EHMT1: variants seen among roughly 807,000 people sequenced by gnomAD.
EHMT1 encodes the protein histone-lysine N-methyltransferase EHMT1.
EHMT1 carries 15 observed loss-of-function variants against 147.2 expected under a neutral mutation model. The observed-to-expected ratio is 0.10, with a 90% CI of 0.07 to 0.16. The LOEUF (loss-of-function observed/expected upper bound fraction) is 0.16. EHMT1 is among the 10% of genes least tolerant of loss of function. EHMT1 has a pLI of 1.00. For synonymous variants in EHMT1, 795 were observed against 709.6 expected (o/e 1.12, Z -1.91); for missense variants, 1,587 against 1,772.4 (o/e 0.90, Z 1.88).
intron 1 of EHMT1, among the ~76,000 whole-genome samples, chr9:137,635,678 G>A (rs180959303): frequency 0.011 from 1,724 of 151,108 alleles, 15 homozygotes; most frequent in Non-Finnish European, 0.017. Context: ...AAATTAGTGG[G>A]ACGTGGTGGC....
rs1306584891 is a variant in EHMT1, at chr9:137,787,969, G to GC, written c.2383-2873dup. On this transcript the variant is annotated intron_variant, in intron 15 of 26. Coordinates refer to ENST00000460843, the MANE Select transcript of EHMT1 (RefSeq NM_024757.5). This position sits in a 1 kb window ranked among gnomAD's most constrained non-coding sequence, Gnocchi z 4.2. ...GAGGCCCTGTGTCCCCCACTGGACA[G>GC]CCCCCCAGGAACTGAGGTGCCCTGC... 6 of 1,489,038 alleles carry GC rather than the reference G, an allele frequency of 4.0e-6. No individual in the cohort carries two copies. The highest frequency in any genetic ancestry group is 1.1e-5 in the South Asian group (1 of 87,654). 92.2% of individuals were successfully genotyped at this position (1,489,038 alleles called of 1,614,324 possible).
rs758886528 is a variant in EHMT1 at position 137,770,195 on chromosome 9, G to A, written c.1648-4914G>A. ...TCTTTCTGGGATTCCTTGTACACAC[G>A]TTAGATTGTTTGACATTGTCCCACA... On this transcript the variant is annotated intron_variant, in intron 10 of 26. Coordinates refer to ENST00000460843, the MANE Select transcript of EHMT1 (RefSeq NM_024757.5). Among the ~76,000 whole-genome samples, 11 of 152,060 alleles carry A rather than the reference G, an allele frequency of 7.2e-5. No individual in the cohort carries two copies. The South Asian group carries it at 1.9e-3, about 26-fold the overall frequency.
chr9:137,742,705 A>G (rs1016261451), intron 4 of EHMT1, among the ~76,000 whole-genome samples: 1 of 152,136 alleles, frequency 6.6e-6, no homozygotes, highest in African/African-American at 2.4e-5. Context: ...TCTCCCTCTC[A>G]GCCTCTTATC....
At chr9:137,715,786 T>C in intron 2 of EHMT1, 1 of 985,370 alleles carries the variant, frequency 1.0e-6, no homozygotes, top group Non-Finnish European at 1.2e-6. Context: ...TCTGACCCAT[T>C]TTCTCTGTTA....
chr9:137,769,751 G>A (rs952499988), intron 10 of EHMT1, among the ~76,000 whole-genome samples: 18 of 152,222 alleles, frequency 1.2e-4, no homozygotes, highest in South Asian at 8.3e-4. Context: ...TTTAGGTTTC[G>A]CTGAGCTTCT....
intron 4 of EHMT1, among the ~76,000 whole-genome samples, chr9:137,741,735 C>A (rs1430152509): frequency 6.6e-6 from 1 of 152,074 alleles, no homozygotes. Context: ...AAAAGTTGGC[C>A]CTCTGTGTTC....
chr9:137,795,963 C>T (rs1400399677), intron 16 of EHMT1, among the ~76,000 whole-genome samples: 1 of 152,140 alleles, frequency 6.6e-6, no homozygotes, highest in Non-Finnish European at 1.5e-5. Context: ...GCAGATGGGA[C>T]AAATAGAAAA....
intron 1 of EHMT1, among the ~76,000 whole-genome samples, chr9:137,688,771 C>A (rs1564590350): frequency 6.6e-6 from 1 of 152,166 alleles, no homozygotes; most frequent in African/African-American, 2.4e-5. Context: ...GATGAGTTTG[C>A]TTCTGCGTTC....
Position 137,728,294 on chromosome 9 carries a change from T to C in EHMT1, c.643-55T>C. ...GAACTGTGATTTTGGTTGCATGTTATTTCAGTGACCACCTGCTTATGCAGT... is the reference window on the plus strand; with the variant it reads ...GAACTGTGATTTTGGTTGCATGTTACTTCAGTGACCACCTGCTTATGCAGT... On this transcript the variant is annotated intron_variant, in intron 3 of 26. Transcript: ENST00000460843. 1.9e-6 allele frequency: 3 copies of C among 1,611,760 alleles called. No homozygotes were observed. In the South Asian group the frequency reaches 3.3e-5, roughly 18 times the overall value.
intron 25 of EHMT1, among the ~76,000 whole-genome samples, chr9:137,832,003 G>A (rs1476034483): frequency 6.8e-6 from 1 of 146,050 alleles, no homozygotes; most frequent in East Asian, 2.0e-4. Context: ...CACAGGCTCC[G>A]CCTCCTACGT....
chr9:137,822,235 G>A (rs923214703), intron 25 of EHMT1, among the ~76,000 whole-genome samples: 1 of 152,136 alleles, frequency 6.6e-6, no homozygotes, highest in Non-Finnish European at 1.5e-5. Flanking sequence ...TTCTGTTGTT[G>A]GACGGTGACC....
intron 1 of EHMT1, among the ~76,000 whole-genome samples, chr9:137,692,585 C>A (rs1943035773): frequency 6.6e-6 from 1 of 152,100 alleles, no homozygotes; most frequent in East Asian, 1.9e-4. Context: ...GTTTTTCCAT[C>A]AACTTTTTCT....
chr9:137,743,754 C>T, intron 5 of EHMT1, 148 bp from the exon 6 acceptor site: 2 of 1,155,038 alleles, frequency 1.7e-6, no homozygotes, highest in Non-Finnish European at 2.4e-6. Flanking sequence ...CCGGGCTCTT[C>T]TCCAGGTGGC....
intron 16 of EHMT1, chr9:137,792,296 A>G (rs1463740469): frequency 1.2e-5 from 4 of 328,186 alleles, no homozygotes; most frequent in African/African-American, 8.6e-5. Context: ...CAAAGGTTAC[A>G]AAGACCATTC....
rs888653382 is a variant in EHMT1, at chr9:137,776,536, G to A, written c.1792-82G>A. 16 of 1,405,032 alleles carry A rather than the reference G, an allele frequency of 1.1e-5. No homozygotes were observed. Among genetic ancestry groups the A allele is most frequent in the African/African-American group, 8.6e-5 (6 of 69,728 alleles). 87.0% of individuals were successfully genotyped at this position (1,405,032 alleles called of 1,614,324 possible). ...CTGCAGACCGCCCGATGTGGGATGC[G>A]GTGCCAGTTTAGTAGTACTTTATTT... On this transcript the variant is annotated intron_variant, in intron 11 of 26. Transcript: ENST00000460843. The surrounding 1 kb of genome is among the most constrained non-coding windows in gnomAD (Gnocchi z 4.4).
intron 1 of EHMT1, among the ~76,000 whole-genome samples, chr9:137,703,390 C>T (rs1316170380): frequency 6.6e-6 from 1 of 152,196 alleles, no homozygotes; most frequent in Non-Finnish European, 1.5e-5. Flanking sequence ...TTATGCTCTG[C>T]TTCCCTTTTA....
chr9:137,646,436 AAAGT>A (rs1316643810), intron 1 of EHMT1: 1 of 985,326 alleles, frequency 1.0e-6, no homozygotes, highest in Non-Finnish European at 1.2e-6. Context: ...AATGGGCTGG[AAAGT>A]AAGAGGGCTG....
intron 1 of EHMT1, among the ~76,000 whole-genome samples, chr9:137,674,440 C>T (rs896711979): frequency 3.9e-5 from 6 of 152,208 alleles, no homozygotes; most frequent in African/African-American, 9.7e-5. Context: ...TGCAGGCTGA[C>T]GGAGAATCTC....
At chr9:137,826,454 C>T (rs1397417688) in intron 25 of EHMT1, among the ~76,000 whole-genome samples, 1 of 152,232 alleles carries the variant, frequency 6.6e-6, no homozygotes, top group African/African-American at 2.4e-5. Context: ...TGACTTTAGC[C>T]TCCAGGTGGC....
Sources: allele counts gnomAD v4.1 joint callset (sites outside exome capture counted in the v4.1 genomes callset), GRCh38; gene constraint gnomAD v4.1.1; non-coding constraint Gnocchi (gnomAD v3.1); transcripts MANE v1.5; gene names NCBI Gene and HGNC (gene_info 2026-07-23, HGNC 2026-07-21).